The following CPM variants were observed in gnomAD, a reference collection of about 807,000 sequenced individuals.
CPM encodes the protein carboxypeptidase M.
Under a neutral mutation model 46.4 loss-of-function variants are expected in CPM, and 35 were observed. The ratio of observed to expected loss-of-function variants is 0.75; its 90% CI spans 0.58 to 1.00. The LOEUF is 1.00. Among genes scored for constraint, CPM ranks in the 50% least tolerant of loss-of-function variants. The pLI is 0.00. For synonymous variants in CPM, 195 were observed against 195.3 expected, an observed-to-expected ratio of 1.00 and a Z score of 0.01; for missense variants, 422 against 530.4, an observed-to-expected ratio of 0.80 and a Z score of 2.01.
At chr12:68,901,758 G>A in intron 2 of CPM, among the ~76,000 whole-genome samples, 1 of 152,146 alleles carries the variant, frequency 6.6e-6, no homozygotes, top group South Asian at 2.1e-4. Context: ...TGGAGTGAAG[G>A]GGAAGGAAAA....
chr12:68,907,384 T>C (rs1399601374), intron 2 of CPM, among the ~76,000 whole-genome samples: 1 of 149,938 alleles, frequency 6.7e-6, no homozygotes, highest in African/African-American at 2.4e-5. Context: ...GGGCAACTTA[T>C]TTAACTCTCT....
intron 2 of CPM, among the ~76,000 whole-genome samples, chr12:68,899,417 T>C (rs902929290): frequency 1.3e-5 from 2 of 152,252 alleles, no homozygotes; most frequent in African/African-American, 2.4e-5. Flanking sequence ...TCATTAACCA[T>C]AAACACATTT....
At chr12:68,860,883 CTTCT>C (rs1250174509) in intron 7 of CPM, among the ~76,000 whole-genome samples, 1 of 151,494 alleles carries the variant, frequency 6.6e-6, no homozygotes, top group African/African-American at 2.4e-5. Context: ...TTCCTTTCTT[CTTCT>C]TTTTTTTTTT....
intron 7 of CPM, among the ~76,000 whole-genome samples, chr12:68,863,779 G>A (rs1176557032): frequency 6.6e-6 from 1 of 152,068 alleles, no homozygotes; most frequent in African/African-American, 2.4e-5. Context: ...CTTCCAGATG[G>A]GTCAAAACCT....
At chr12:68,877,634 G>T (rs1362772646) in intron 3 of CPM, among the ~76,000 whole-genome samples, 1 of 152,162 alleles carries the variant, frequency 6.6e-6, no homozygotes, top group Non-Finnish European at 1.5e-5. Context: ...AATGAGCTCT[G>T]CCTAAATCTA....
At chr12:68,874,150 A>G (rs78186303) in intron 3 of CPM, among the ~76,000 whole-genome samples, 7,688 of 152,096 alleles carry the variant, frequency 0.051, 654 homozygotes, top group African/African-American at 0.18. Context: ...AAAAGTCCTT[A>G]CAAGCTAATA....
intron 2 of CPM, 36 bp from the exon 3 acceptor site, chr12:68,885,925 TTG>T (rs1302942082): frequency 6.4e-7 from 1 of 1,571,584 alleles, no homozygotes. Flanking sequence ...GAAAAGTAAG[TTG>T]TCTCTTAAAA....
At chr12:68,864,334 T>G (rs1885339059) in intron 7 of CPM, among the ~76,000 whole-genome samples, 1 of 151,938 alleles carries the variant, frequency 6.6e-6, no homozygotes, top group South Asian at 2.1e-4. Flanking sequence ...TTCCAGCAAA[T>G]TGGGAGGCTG....
intron 1 of CPM, among the ~76,000 whole-genome samples, chr12:68,953,500 T>A (rs1230571971): frequency 1.3e-5 from 2 of 152,220 alleles, no homozygotes; most frequent in Non-Finnish European, 2.9e-5. Flanking sequence ...GTTTATTCCA[T>A]AATTTACAAA....
chr12:68,862,091 CA>C, intron 7 of CPM, among the ~76,000 whole-genome samples: 1 of 97,336 alleles, frequency 1.0e-5, no homozygotes, highest in South Asian at 2.7e-4. Flanking sequence ...GTGTGTGCTG[CA>C]GCTGAATCAA....
chr12:68,905,366 C>T (rs810352), intron 2 of CPM, among the ~76,000 whole-genome samples: 3 of 151,930 alleles, frequency 2.0e-5, no homozygotes, highest in East Asian at 1.9e-4. Flanking sequence ...CCACTGCCTC[C>T]ACCTCCTGGG....
chr12:68,917,188 T>C (rs944896825), intron 2 of CPM, among the ~76,000 whole-genome samples: 3 of 148,722 alleles, frequency 2.0e-5, no homozygotes, highest in Non-Finnish European at 3.0e-5. Flanking sequence ...AACGTGCTAT[T>C]TATTGCCTCG....
At chr12:68,950,275 G>A (rs189466825) in intron 1 of CPM, among the ~76,000 whole-genome samples, 6 of 152,166 alleles carry the variant, frequency 3.9e-5, no homozygotes, top group Admixed American at 2.6e-4. Context: ...ATCTTCATTC[G>A]CCCAATGCGC....
At chr12:68,866,837 G>T in intron 7 of CPM, 59 bp downstream of exon 7, 2 of 1,455,818 alleles carry the variant, frequency 1.4e-6, no homozygotes, top group Non-Finnish European at 1.9e-6. Flanking sequence ...TCAACCCAGA[G>T]GTCTTGCCAG....
intron 1 of CPM, among the ~76,000 whole-genome samples, chr12:68,947,134 C>T (rs1003929836): frequency 6.6e-6 from 1 of 152,156 alleles, no homozygotes; most frequent in East Asian, 1.9e-4. Context: ...ACAGAAGGTG[C>T]TCATTGAGTT....
Position 68,900,054 on chromosome 12 carries a change from T to C in CPM, c.161-14165A>G, listed in dbSNP as rs565484505. ...TCTATAGGACTGAAAATTTTCTAAA[T>C]AAAAAGCTGGAGGGATCAAGAGAAT... is the stretch of plus-strand genomic sequence containing the variant. On this transcript the variant is annotated intron_variant, in intron 2 of 8. Transcript: ENST00000551568. Among the ~76,000 whole-genome samples, 3 of 152,188 alleles carry C rather than the reference T, an allele frequency of 2.0e-5. No homozygotes were observed. In the East Asian group the frequency reaches 5.8e-4, roughly 29 times the overall value.
Position 68,844,798 on chromosome 12 carries a change from G to A in CPM, c.534-2469C>T, listed in dbSNP as rs1884129789. 1.5e-5 allele frequency: 3 copies of A among 200,746 alleles called. No individual in the cohort carries two copies. In the East Asian group the frequency reaches 2.3e-4, roughly 15 times the overall value. 12.4% of individuals were successfully genotyped at this position (200,746 alleles called of 1,614,324 possible). A position where few individuals can be genotyped will look rare whatever the true frequency, so the allele number is the denominator to read the frequency against. On this transcript the variant is annotated intron_variant, in intron 5 of 5. Coordinates refer to the CPM transcript ENST00000551897. The stretch of plus-strand genomic sequence containing the variant: ...TATTTATTTTTTGAGACGGAGTCTT[G>A]CTCTGTGGCTCAGGCTGGAGTACAG...
At chr12:68,913,379 C>T (rs1274311972) in intron 2 of CPM, among the ~76,000 whole-genome samples, 1 of 152,078 alleles carries the variant, frequency 6.6e-6, no homozygotes, top group African/African-American at 2.4e-5. Context: ...TCTGTCTGCC[C>T]AGAGCATAGT....
intron 2 of CPM, among the ~76,000 whole-genome samples, chr12:68,919,664 T>C (rs1285438658): frequency 6.6e-6 from 1 of 152,200 alleles, no homozygotes; most frequent in Non-Finnish European, 1.5e-5. Flanking sequence ...AACTAAAAAG[T>C]TCGTCAAGGC....
Sources: gnomAD v4.1 joint callset for allele counts (sites outside exome capture counted in the v4.1 genomes callset) on GRCh38, gnomAD v4.1.1 for gene constraint, MANE v1.5 for transcripts, NCBI Gene and HGNC (gene_info 2026-07-23, HGNC 2026-07-21) for gene names.